PRKCE: variants seen among roughly 807,000 people sequenced by gnomAD.
The protein encoded by PRKCE is protein kinase C epsilon.
A neutral mutation model predicts 85.4 loss-of-function variants in PRKCE; 16 were observed. That is an observed-to-expected ratio of 0.19 (90% confidence interval 0.13 to 0.28). The LOEUF (loss-of-function observed/expected upper bound fraction) is 0.28. Ranked by LOEUF, PRKCE falls within the 10% of genes least tolerant of loss-of-function variation. PRKCE has a pLI of 1.00. For synonymous variants in PRKCE, 388 were observed against 371.5 expected, an observed-to-expected ratio of 1.04 and a Z score of -0.51; for missense variants, 573 against 975.2, an observed-to-expected ratio of 0.59 and a Z score of 5.49.
intron 2 of PRKCE, among the ~76,000 whole-genome samples, chr2:45,878,056 G>GGA (rs1189062536): frequency 1.3e-5 from 2 of 152,180 alleles, no homozygotes; most frequent in African/African-American, 4.8e-5. Context: ...AGTTGGTCAG[G>GGA]GAGATGGATT....
At chr2:46,090,796 A>G (rs1431308313) in intron 11 of PRKCE, among the ~76,000 whole-genome samples, 1 of 152,082 alleles carries the variant, frequency 6.6e-6, no homozygotes, top group African/African-American at 2.4e-5. Flanking sequence ...GAAGCTGTAC[A>G]TATGTGTTTC....
In PRKCE at chr2:45,652,483, C is replaced by A. The variant is rs985766866; in HGVS notation, c.348+35C>A. ...GCGCCTCCCCGTCATTCCGGGAACC[C>A]GGTTGTGGGGTCCCGGGGAAAGACT... On this transcript the variant is annotated intron_variant, in intron 1 of 14. Transcript: ENST00000306156. The surrounding 1 kb of genome is among the most constrained non-coding windows in gnomAD (Gnocchi z 7.7). 6.5e-7 allele frequency: 1 copy of A among 1,548,154 alleles called. No individual in the cohort carries two copies. The highest frequency in any genetic ancestry group is 2.3e-5 in the East Asian group (1 of 43,762).
chr2:45,821,809 G>A (rs1238389918), intron 1 of PRKCE, among the ~76,000 whole-genome samples: 1 of 152,324 alleles, frequency 6.6e-6, no homozygotes, highest in Admixed American at 6.5e-5. Flanking sequence ...GTGTCCCGAT[G>A]GCAGCTGTAT....
intron 1 of PRKCE, among the ~76,000 whole-genome samples, chr2:45,703,595 A>G (rs1021724750): frequency 7.2e-5 from 11 of 151,984 alleles, no homozygotes; most frequent in African/African-American, 2.7e-4. Context: ...TTGACGGTAG[A>G]GGCACCTTTT....
In PRKCE at chr2:46,099,619, A is replaced by G. The variant is rs532835992; in HGVS notation, c.1592+13257A>G. 4.6e-5 allele frequency among the ~76,000 whole-genome samples: 7 copies of G among 151,936 alleles called. No homozygotes were observed. The South Asian group carries it at 1.0e-3, about 23-fold the overall frequency. On this transcript the variant is annotated intron_variant, in intron 11 of 14. Transcript: ENST00000306156. The stretch of plus-strand genomic sequence containing the variant: ...TATTTCTTCCCCCTGTTAACATTGC[A>G]TCTGCTACCTTATATTCTAGCACTT...
At chr2:45,724,414 G>A (rs879943801) in intron 1 of PRKCE, among the ~76,000 whole-genome samples, 2 of 152,078 alleles carry the variant, frequency 1.3e-5, no homozygotes, top group African/African-American at 2.4e-5. Context: ...AATTCTCTGA[G>A]ACAAAATGAT....
intron 10 of PRKCE, among the ~76,000 whole-genome samples, chr2:46,020,495 A>G (rs1466710414): frequency 6.6e-6 from 1 of 152,060 alleles, no homozygotes; most frequent in Non-Finnish European, 1.5e-5. Context: ...ATGTCCTTTC[A>G]TTATTAAAAT....
intron 1 of PRKCE, among the ~76,000 whole-genome samples, chr2:45,694,710 C>T (rs1678003519): frequency 6.6e-6 from 1 of 152,292 alleles, no homozygotes; most frequent in Middle Eastern, 3.4e-3. Flanking sequence ...ATGGGTAAGA[C>T]ATGGAATAGC....
intron 1 of PRKCE, among the ~76,000 whole-genome samples, chr2:45,817,265 C>G (rs1246050582): frequency 8.5e-5 from 13 of 152,130 alleles, no homozygotes; most frequent in Admixed American, 8.5e-4. Context: ...TATCAAGTAC[C>G]AACTTTCAAA....
intron 1 of PRKCE, among the ~76,000 whole-genome samples, chr2:45,836,384 A>G (rs1359487194): frequency 1.3e-5 from 2 of 152,246 alleles, no homozygotes; most frequent in African/African-American, 2.4e-5. Flanking sequence ...CACACTACCA[A>G]TAGAGCAAGT....
Position 45,697,393 on chromosome 2 carries a change from T to C in PRKCE, c.348+44945T>C, listed in dbSNP as rs759816554. Among the ~76,000 whole-genome samples the C allele has an allele frequency of 7.6e-4, 116 of 152,122 alleles. No individual in the cohort carries two copies. The highest frequency in any genetic ancestry group is 8.8e-4 in the Non-Finnish European group (60 of 68,018). On this transcript the variant is annotated intron_variant, in intron 1 of 14. Coordinates refer to ENST00000306156, the MANE Select transcript of PRKCE (RefSeq NM_005400.3). The surrounding 1 kb of genome is among the most constrained non-coding windows in gnomAD (Gnocchi z 4.2). ...ATGGCGCTCTGACCTTCTATTGTTT[T>C]TGGCCAAAATATGAGTGAAAATCCA... is the stretch of plus-strand genomic sequence containing the variant.
intron 1 of PRKCE, among the ~76,000 whole-genome samples, chr2:45,802,625 G>A (rs1687954950): frequency 6.6e-6 from 1 of 152,184 alleles, no homozygotes; most frequent in African/African-American, 2.4e-5. Flanking sequence ...AGCAAATGGA[G>A]TAAGCCCTCC....
intron 2 of PRKCE, among the ~76,000 whole-genome samples, chr2:45,863,207 C>G (rs563154733): frequency 1.9e-4 from 29 of 152,180 alleles, no homozygotes; most frequent in African/African-American, 6.3e-4. Flanking sequence ...TGTCTAGGGT[C>G]TAGGATACTT....
At chr2:45,840,129 A>G (rs1384290055) in intron 1 of PRKCE, among the ~76,000 whole-genome samples, 1 of 152,216 alleles carries the variant, frequency 6.6e-6, no homozygotes, top group Non-Finnish European at 1.5e-5. Flanking sequence ...TTACACAGAT[A>G]GCATTGTACT....
At chr2:46,018,975 G>C (rs572452115) in intron 10 of PRKCE, among the ~76,000 whole-genome samples, 22 of 152,226 alleles carry the variant, frequency 1.4e-4, no homozygotes, top group Non-Finnish European at 3.2e-4. Context: ...GCCAGTGATG[G>C]TGCTGCGCTC....
intron 2 of PRKCE, among the ~76,000 whole-genome samples, chr2:45,913,131 CAG>C (rs1380285259): frequency 6.6e-6 from 1 of 152,172 alleles, no homozygotes; most frequent in Non-Finnish European, 1.5e-5. Context: ...AGATTCTCCT[CAG>C]AGTGTTTTGA....
intron 13 of PRKCE, among the ~76,000 whole-genome samples, chr2:46,153,781 CTTTTTT>C (rs70937993): frequency 7.9e-5 from 6 of 75,962 alleles, no homozygotes; most frequent in African/African-American, 2.7e-4. Context: ...TCTTCTTCTT[CTTTTTT>C]TTTTTTTTTT....
chr2:45,718,960 C>G (rs1016966757), intron 1 of PRKCE, among the ~76,000 whole-genome samples: 1 of 152,200 alleles, frequency 6.6e-6, no homozygotes, highest in Non-Finnish European at 1.5e-5. Flanking sequence ...TTTATCAGAG[C>G]CTTTAATATG....
chr2:46,127,502 A>G (rs1398928552), intron 11 of PRKCE, among the ~76,000 whole-genome samples: 1 of 152,192 alleles, frequency 6.6e-6, no homozygotes, highest in African/African-American at 2.4e-5. Context: ...AGCCCACTGC[A>G]TTTGTAATGC....
Sources: gnomAD v4.1 joint callset for allele counts (sites outside exome capture counted in the v4.1 genomes callset) on GRCh38, gnomAD v4.1.1 for gene constraint, Gnocchi (gnomAD v3.1) non-coding constraint, MANE v1.5 for transcripts, NCBI Gene and HGNC (gene_info 2026-07-23, HGNC 2026-07-21) for gene names.